ACVR2A: variants seen among roughly 807,000 people sequenced by gnomAD.
ACVR2A encodes the protein activin receptor type-2A.
In ACVR2A, 7 loss-of-function variants were observed where a neutral mutation model predicts 61.4. The ratio of observed to expected loss-of-function variants is 0.11; its 90% CI spans 0.06 to 0.21. The LOEUF is 0.21. ACVR2A is among the 10% of genes least tolerant of loss of function. ACVR2A has a pLI of 1.00. For synonymous variants in ACVR2A, 193 were observed against 208.3 expected (o/e 0.93, Z 0.63); for missense variants, 322 against 621.7 (o/e 0.52, Z 5.13).
chr2:147,893,748 G>T (rs1686649614), intron 1 of ACVR2A, among the ~76,000 whole-genome samples: 1 of 152,094 alleles, frequency 6.6e-6, no homozygotes, highest in African/African-American at 2.4e-5. Context: ...TGATTGACTT[G>T]TAAGAGGCCG....
chr2:147,926,250 G>T (rs908193066), intron 10 of ACVR2A, 89 bp downstream of exon 10: 3 of 1,484,884 alleles, frequency 2.0e-6, no homozygotes, highest in Admixed American at 4.0e-5. Context: ...TCTTTCTTCT[G>T]CAAGTATTTT....
intron 1 of ACVR2A, among the ~76,000 whole-genome samples, chr2:147,871,471 A>G (rs868519073): frequency 6.6e-6 from 1 of 152,258 alleles, no homozygotes; most frequent in South Asian, 2.1e-4. Context: ...AAATAAGAAA[A>G]TTTGCAGAAT....
chr2:147,906,225 C>T (rs1366947734), intron 4 of ACVR2A, among the ~76,000 whole-genome samples: 1 of 151,964 alleles, frequency 6.6e-6, no homozygotes, highest in African/African-American at 2.4e-5. Flanking sequence ...AAAAACGTCC[C>T]ATTGTTAGCT....
Position 147,884,011 on chromosome 2 carries a change from G to A in ACVR2A, c.56-12290G>A, listed in dbSNP as rs574125106. ...CCTTAATGTAGGTAGTGTCTTTTCA[G>A]TGTAATTGACACTTTTAGGTTGGTT... On this transcript the variant is annotated intron_variant, in intron 1 of 10. Transcript: ENST00000241416. 2.6e-5 allele frequency among the ~76,000 whole-genome samples: 4 copies of A among 152,246 alleles called. No individual in the cohort carries two copies. The South Asian group carries it at 8.3e-4, about 32-fold the overall frequency.
chr2:147,877,118 T>C (rs918581707), intron 1 of ACVR2A, among the ~76,000 whole-genome samples: 13 of 152,180 alleles, frequency 8.5e-5, no homozygotes, highest in African/African-American at 3.1e-4. Flanking sequence ...TAGTTTTTGG[T>C]ATTCCAAAAG....
intron 1 of ACVR2A, among the ~76,000 whole-genome samples, chr2:147,861,008 G>A (rs1032390655): frequency 6.6e-6 from 1 of 152,198 alleles, no homozygotes; most frequent in South Asian, 2.1e-4. Context: ...GAAGCCAGAT[G>A]CCTGGTCCTC....
intron 1 of ACVR2A, among the ~76,000 whole-genome samples, chr2:147,847,040 A>G (rs1366062748): frequency 4.6e-5 from 7 of 152,112 alleles, no homozygotes; most frequent in Non-Finnish European, 1.0e-4. Flanking sequence ...GGTAGTAAAA[A>G]TAATTGAGCA....
At chr2:147,915,051 A>G in intron 4 of ACVR2A, 140 bp from the exon 5 acceptor site, 2 of 744,064 alleles carry the variant, frequency 2.7e-6, no homozygotes, top group Non-Finnish European at 4.3e-6. Context: ...TAATTATGGC[A>G]ACATTGAAGT....
intron 8 of ACVR2A, among the ~76,000 whole-genome samples, chr2:147,921,869 C>G (rs1272205385): frequency 6.6e-6 from 1 of 152,118 alleles, no homozygotes; most frequent in Non-Finnish European, 1.5e-5. Context: ...TATTGGCTTA[C>G]AGTAATGACT....
At chr2:147,900,627 G>A (rs749022364) in intron 4 of ACVR2A, 1 of 151,936 alleles carries the variant, frequency 6.6e-6, no homozygotes, top group Non-Finnish European at 1.5e-5. Flanking sequence ...CTTTGTGCAG[G>A]TCTGGTATTT....
At chr2:147,882,678 A>G (rs948982402) in intron 1 of ACVR2A, among the ~76,000 whole-genome samples, 1 of 152,218 alleles carries the variant, frequency 6.6e-6, no homozygotes, top group Non-Finnish European at 1.5e-5. Flanking sequence ...TATAATGTTT[A>G]TATTTTTAGT....
At chr2:147,886,771 C>CTT (rs377359030) in intron 1 of ACVR2A, among the ~76,000 whole-genome samples, 11 of 128,420 alleles carry the variant, frequency 8.6e-5, no homozygotes, top group South Asian at 7.6e-4. Flanking sequence ...CTAGTGGCAT[C>CTT]TTTTTTTTTT....
intron 1 of ACVR2A, among the ~76,000 whole-genome samples, chr2:147,885,874 A>C (rs975580257): frequency 6.6e-6 from 1 of 152,180 alleles, no homozygotes; most frequent in Admixed American, 6.5e-5. Context: ...AGGTTTGTAT[A>C]TTTCAAATTG....
rs767619326 is a variant in ACVR2A, at chr2:147,845,182, C to A, written c.30C>A (p.Ala10=). The change falls in exon 1 of 11, where the codon GCC becomes GCA. Residue 10 remains alanine, a synonymous_variant. Coordinates refer to ENST00000241416, the MANE Select transcript of ACVR2A (RefSeq NM_001616.5). MGAAAKLAF[A]VFLISCSSGA... Reference sequence around the variant, plus strand: ...GAGCTGCTGCAAAGTTGGCGTTTGCCGTCTTTCTTATCTCCTGTTCTTCAG... The same window carrying A: ...GAGCTGCTGCAAAGTTGGCGTTTGCAGTCTTTCTTATCTCCTGTTCTTCAG... 1 of 1,612,954 alleles carries A rather than the reference C, an allele frequency of 6.2e-7. No homozygotes were observed. Among genetic ancestry groups the A allele is most frequent in the Non-Finnish European group, 8.5e-7 (1 of 1,179,836 alleles).
intron 2 of ACVR2A, 74 bp downstream of exon 2, chr2:147,896,582 A>G: frequency 7.2e-7 from 1 of 1,396,770 alleles, no homozygotes; most frequent in African/African-American, 1.4e-5. Flanking sequence ...AAGGGGAAAG[A>G]TCAGTGCATA....
chr2:147,854,080 A>AT, intron 1 of ACVR2A, among the ~76,000 whole-genome samples: 1 of 152,302 alleles, frequency 6.6e-6, no homozygotes, highest in African/African-American at 2.4e-5. Flanking sequence ...ATTAAAAAAT[A>AT]TAGATTTGGT....
At position 147,899,444 on chromosome 2, in the gene ACVR2A, C is replaced by T. The variant is rs775399483; in HGVS notation, c.264-14C>T. 1 of 1,563,526 alleles carries T rather than the reference C, an allele frequency of 6.4e-7. No homozygotes were observed. Among genetic ancestry groups the T allele is most frequent in the Admixed American group, 1.8e-5 (1 of 54,808 alleles). On this transcript the variant is annotated splice_polypyrimidine_tract_variant and intron_variant, in intron 2 of 10. Coordinates refer to ENST00000241416, the MANE Select transcript of ACVR2A (RefSeq NM_001616.5). Reference sequence around the variant, plus strand: ...AATATTGATTTTAATTATTTTTTCTCTGCTTATTTATAGGACTGATTGTGT... The same window carrying T: ...AATATTGATTTTAATTATTTTTTCTTTGCTTATTTATAGGACTGATTGTGT...
In ACVR2A at chr2:147,930,130, C is replaced by A. The variant is rs1323095103; in HGVS notation, c.*2856C>A. On this transcript the variant is annotated 3_prime_UTR_variant, in exon 11 of 11. Coordinates refer to ENST00000241416, the MANE Select transcript of ACVR2A (RefSeq NM_001616.5). ...CACGATTGTTAGTCCCATGAACTTG[C>A]ACTATCTATCTTTCATGGTGATGTT... 4 of 152,390 alleles carry A rather than the reference C, an allele frequency of 2.6e-5. No homozygotes were observed. Among genetic ancestry groups the A allele is most frequent in the Admixed American group, 2.0e-4 (3 of 15,206 alleles). 9.4% of individuals were successfully genotyped at this position (152,390 alleles called of 1,614,324 possible). A position where few individuals can be genotyped will look rare whatever the true frequency, so the allele number is the denominator to read the frequency against.
intron 4 of ACVR2A, among the ~76,000 whole-genome samples, chr2:147,912,808 A>T (rs1258693775): frequency 1.3e-5 from 2 of 151,944 alleles, no homozygotes; most frequent in African/African-American, 4.8e-5. Context: ...TGAAAAGCTC[A>T]TGTCATTGCT....
Sources: gnomAD v4.1 joint callset for allele counts (sites outside exome capture counted in the v4.1 genomes callset) on GRCh38, gnomAD v4.1.1 for gene constraint, MANE v1.5 for transcripts, NCBI Gene and HGNC (gene_info 2026-07-23, HGNC 2026-07-21) for gene names.